The following FANK1 variants were observed in gnomAD, a reference collection of about 807,000 sequenced individuals.
FANK1 encodes the protein fibronectin type III and ankyrin repeat domains 1.
FANK1 carries 44 observed loss-of-function variants against 45.3 expected under a neutral mutation model. The observed-to-expected ratio is 0.97, with a 90% CI of 0.76 to 1.25. FANK1 has a LOEUF of 1.25. Ranked by LOEUF, FANK1 falls within the 50% of genes most tolerant of loss-of-function variation. The pLI is 0.00. For missense variants in FANK1, 391 were observed against 424.4 expected (o/e 0.92, Z 0.69); for synonymous variants, 149 against 152.5 (o/e 0.98, Z 0.17).
At position 125,916,913 on chromosome 10, in the gene FANK1, G is replaced by A. The variant is rs148839870; in HGVS notation, c.13+20258G>A. ...GTGCCCTCTCTGTCCCTGGAGGAAG[G>A]AACATCCTTCTCTCTGAAGATAACG... On this transcript the variant is annotated intron_variant, in intron 1 of 10. Transcript: ENST00000368693. 8.6e-3 allele frequency among the ~76,000 whole-genome samples: 1,303 copies of A among 152,296 alleles called. 6 individuals are homozygous for A. The highest frequency in any genetic ancestry group is 0.014 in the Non-Finnish European group (972 of 68,026).
chr10:125,969,710 A>G (rs970623072), intron 1 of FANK1, among the ~76,000 whole-genome samples: 6 of 151,994 alleles, frequency 3.9e-5, no homozygotes, highest in Admixed American at 1.3e-4. Flanking sequence ...AATAGTGGAG[A>G]GAAGGTCAGC....
chr10:125,965,261 ATCC>A (rs1249543327), intron 1 of FANK1, among the ~76,000 whole-genome samples: 1 of 152,190 alleles, frequency 6.6e-6, no homozygotes, highest in African/African-American at 2.4e-5. Context: ...TTCACTGGCA[ATCC>A]TCCTGAATTG....
chr10:125,982,190 A>G (rs971914538), intron 2 of FANK1, among the ~76,000 whole-genome samples: 3 of 152,246 alleles, frequency 2.0e-5, no homozygotes, highest in African/African-American at 4.8e-5. Flanking sequence ...TAGCACCACA[A>G]GCTGTGTTGG....
At chr10:125,914,175 A>G (rs1946257543) in intron 1 of FANK1, among the ~76,000 whole-genome samples, 1 of 151,920 alleles carries the variant, frequency 6.6e-6, no homozygotes, top group African/African-American at 2.4e-5. Context: ...GATTTTTTAA[A>G]CATAGGATAT....
At chr10:125,900,625 C>G (rs1003023887) in intron 1 of FANK1, among the ~76,000 whole-genome samples, 4 of 140,708 alleles carry the variant, frequency 2.8e-5, no homozygotes, top group African/African-American at 1.3e-4. Flanking sequence ...ACGTTTCTTT[C>G]TGTTTTTTTT....
chr10:125,905,842 G>C (rs139376443), intron 1 of FANK1, among the ~76,000 whole-genome samples: 415 of 125,750 alleles, frequency 3.3e-3, no homozygotes, highest in Non-Finnish European at 5.3e-3. Context: ...AGGATCACTT[G>C]AGGCCAGGAG....
chr10:125,916,975 C>T (rs1234255753), intron 1 of FANK1, among the ~76,000 whole-genome samples: 2 of 152,202 alleles, frequency 1.3e-5, no homozygotes, highest in African/African-American at 4.8e-5. Flanking sequence ...TGCTGTTCCT[C>T]CCAGTTTACT....
chr10:125,900,979 T>A (rs1478979464), intron 1 of FANK1, among the ~76,000 whole-genome samples: 2 of 151,974 alleles, frequency 1.3e-5, no homozygotes, highest in Non-Finnish European at 2.9e-5. Context: ...TTTTTGTAGT[T>A]GTTGTTTTTA....
intron 2 of FANK1, among the ~76,000 whole-genome samples, chr10:125,981,946 T>C (rs557130291): frequency 1.3e-5 from 2 of 152,334 alleles, no homozygotes; most frequent in Admixed American, 1.3e-4. Context: ...AAGCTCCAAT[T>C]TCAACTGTTA....
chr10:125,901,431 C>T (rs1945027915), intron 1 of FANK1, among the ~76,000 whole-genome samples: 1 of 151,904 alleles, frequency 6.6e-6, no homozygotes, highest in Admixed American at 6.6e-5. Context: ...TACCTGGAAG[C>T]TGGAGTGACC....
chr10:126,004,958 C>G lies in FANK1; in HGVS notation c.614C>G (p.Ala205Gly). ...YLRRHGASWQ[A>G]RDLGGCTALH... ...CGAAGACATGGCGCTTCTTGGCAGG[C>G]TAGAGACCTGGGAGGCTGTACAGCT... Residue 205 changes from alanine to glycine, a missense_variant, in exon 7 of 11, where the codon GCT becomes GGT. By Grantham distance (60) the Ala-to-Gly change is moderately conservative. Coordinates refer to ENST00000368693, the MANE Select transcript of FANK1 (RefSeq NM_145235.5). The G allele has an allele frequency of 6.2e-6, 10 of 1,614,152 alleles. No homozygotes were observed. The highest frequency in any genetic ancestry group is 1.3e-5 in the African/African-American group (1 of 75,036).
At chr10:125,988,510 G>A (rs1564949446) in intron 2 of FANK1, 41 bp from the exon 3 acceptor site, 1 of 1,604,678 alleles carries the variant, frequency 6.2e-7, no homozygotes, top group Non-Finnish European at 8.5e-7. Context: ...TGCAGATTAA[G>A]CTACCTGGTG....
intron 2 of FANK1, among the ~76,000 whole-genome samples, chr10:125,986,814 A>G (rs888370671): frequency 6.6e-6 from 1 of 152,074 alleles, no homozygotes; most frequent in Non-Finnish European, 1.5e-5. Context: ...TGGGGGAATT[A>G]CTTGTTTGAT....
intron 3 of FANK1, among the ~76,000 whole-genome samples, chr10:125,990,610 G>GC (rs1225970872): frequency 4.1e-4 from 62 of 152,286 alleles, no homozygotes; most frequent in African/African-American, 1.4e-3. Context: ...GCTTCAGGTG[G>GC]CCTCTAGCAT....
rs1948136134 is a variant in FANK1 at position 125,936,905 on chromosome 10, T to C, written c.13+40250T>C. Among the ~76,000 whole-genome samples the C allele has an allele frequency of 3.9e-5, 6 of 151,998 alleles. 1 individual carries two copies. The South Asian group carries it at 1.2e-3, about 32-fold the overall frequency. ...AAACATGGAGAAACCCCATCTCCAC[T>C]AAAAATACAAAATTAGCCAGGCGTG... is the stretch of plus-strand genomic sequence containing the variant. On this transcript the variant is annotated intron_variant, in intron 1 of 10. Coordinates refer to ENST00000368693, the MANE Select transcript of FANK1 (RefSeq NM_145235.5).
intron 2 of FANK1, among the ~76,000 whole-genome samples, chr10:125,981,488 C>A (rs1289162285): frequency 1.7e-4 from 19 of 114,778 alleles, no homozygotes; most frequent in East Asian, 4.9e-4. Context: ...CAGAGTGAGA[C>A]CCTGTCTCAA....
At chr10:125,919,053 G>A (rs1389634142) in intron 1 of FANK1, among the ~76,000 whole-genome samples, 2 of 152,052 alleles carry the variant, frequency 1.3e-5, no homozygotes, top group African/African-American at 4.8e-5. Flanking sequence ...TTAAATTCAA[G>A]TTCACTGAAG....
chr10:125,952,846 C>T (rs1949339111), intron 1 of FANK1, among the ~76,000 whole-genome samples: 1 of 136,486 alleles, frequency 7.3e-6, no homozygotes, highest in Non-Finnish European at 1.6e-5. Context: ...CACACACACA[C>T]ACACACACAC....
intron 1 of FANK1, among the ~76,000 whole-genome samples, chr10:125,922,050 G>A (rs1254487953): frequency 9.9e-5 from 15 of 152,078 alleles, no homozygotes; most frequent in African/African-American, 3.1e-4. Flanking sequence ...TTATTGATTT[G>A]ATGCTTCATT....
Sources: allele counts gnomAD v4.1 joint callset (sites outside exome capture counted in the v4.1 genomes callset), GRCh38; gene constraint gnomAD v4.1.1; transcripts MANE v1.5; gene names NCBI Gene and HGNC (gene_info 2026-07-23, HGNC 2026-07-21).